VWA8: variants seen among roughly 807,000 people sequenced by gnomAD.
VWA8 encodes von Willebrand factor A domain-containing protein 8.
A neutral mutation model predicts 241.5 loss-of-function variants in VWA8; 221 were observed. The ratio of observed to expected loss-of-function variants is 0.91; its 90% CI spans 0.82 to 1.02. The LOEUF (loss-of-function observed/expected upper bound fraction) is 1.02, where lower values mean the gene tolerates loss of function less well. Among genes scored for constraint, VWA8 ranks in the 50% least tolerant of loss-of-function variants. VWA8 has a pLI of 0.00. For missense variants in VWA8, 2,322 were observed against 2,328.7 expected (o/e 1.00, Z 0.06); for synonymous variants, 852 against 827.1 (o/e 1.03, Z -0.52).
intron 8 of VWA8, among the ~76,000 whole-genome samples, chr13:41,883,823 C>T (rs1193412421): frequency 6.6e-6 from 1 of 152,150 alleles, no homozygotes; most frequent in Admixed American, 6.5e-5. Context: ...CCCATAGACC[C>T]CCATTTGAAA....
At chr13:41,574,744 T>C (rs1159570691) in intron 43 of VWA8, among the ~76,000 whole-genome samples, 1 of 151,922 alleles carries the variant, frequency 6.6e-6, no homozygotes, top group Non-Finnish European at 1.5e-5. Context: ...TGAGACAGAA[T>C]AGAGAACCCA....
At chr13:41,745,070 A>T (rs189523572) in intron 21 of VWA8, among the ~76,000 whole-genome samples, 1 of 151,482 alleles carries the variant, frequency 6.6e-6, no homozygotes, top group Non-Finnish European at 1.5e-5. Context: ...TCATCTCCTG[A>T]CCTCATTATC....
intron 4 of VWA8, among the ~76,000 whole-genome samples, chr13:41,898,884 G>A (rs1204896489): frequency 8.2e-6 from 1 of 122,210 alleles, no homozygotes; most frequent in Non-Finnish European, 1.7e-5. Flanking sequence ...GTGTGGGCCC[G>A]CCAAGCCCAC....
chr13:41,691,817 A>T (rs1178450028), intron 31 of VWA8, 57 bp downstream of exon 31: 26 of 1,319,052 alleles, frequency 2.0e-5, no homozygotes, highest in Non-Finnish European at 2.8e-5. Context: ...TCAAAATAGG[A>T]AATAGAATGG....
At chr13:41,813,612 C>T (rs546540937) in intron 16 of VWA8, among the ~76,000 whole-genome samples, 1 of 152,240 alleles carries the variant, frequency 6.6e-6, no homozygotes, top group Admixed American at 6.5e-5. Flanking sequence ...TCAGGCTTCA[C>T]ATTTCATTCC....
At chr13:41,882,475 C>T (rs1237719363) in intron 9 of VWA8, among the ~76,000 whole-genome samples, 7 of 152,146 alleles carry the variant, frequency 4.6e-5, no homozygotes, top group East Asian at 1.9e-4. Context: ...GAGGTTGTAG[C>T]GAGCCGAGAT....
intron 17 of VWA8, among the ~76,000 whole-genome samples, chr13:41,805,862 A>G (rs1462533506): frequency 6.6e-6 from 1 of 152,100 alleles, no homozygotes; most frequent in Non-Finnish European, 1.5e-5. Context: ...AATCTGCACT[A>G]CAGACCAAAC....
chr13:41,851,958 T>A (rs1192292042), intron 12 of VWA8, among the ~76,000 whole-genome samples: 1 of 152,186 alleles, frequency 6.6e-6, no homozygotes, highest in African/African-American at 2.4e-5. Flanking sequence ...AGAAGTGGGA[T>A]TGCTGGATCA....
chr13:41,704,240 G>A (rs2045268576), intron 26 of VWA8, among the ~76,000 whole-genome samples: 1 of 152,122 alleles, frequency 6.6e-6, no homozygotes, highest in African/African-American at 2.4e-5. Flanking sequence ...GCACACATGT[G>A]TAACAAGTAC....
chr13:41,599,978 G>A (rs1189943407), intron 40 of VWA8, among the ~76,000 whole-genome samples: 3 of 152,050 alleles, frequency 2.0e-5, no homozygotes. Flanking sequence ...ACAAAATGGA[G>A]GTCAAGTGAT....
intron 24 of VWA8, among the ~76,000 whole-genome samples, chr13:41,722,935 G>A (rs2045404530): frequency 6.6e-6 from 1 of 152,168 alleles, no homozygotes; most frequent in Non-Finnish European, 1.5e-5. Flanking sequence ...GACATACTGT[G>A]TAGGACACTG....
intron 8 of VWA8, among the ~76,000 whole-genome samples, chr13:41,884,280 C>G (rs565896174): frequency 4.7e-4 from 72 of 152,296 alleles, no homozygotes; most frequent in African/African-American, 1.7e-3. Context: ...AACCTCCATG[C>G]TGTTCTCATG....
Position 41,887,347 on chromosome 13 carries a change from T to C in VWA8, c.666A>G (p.Lys222=), listed in dbSNP as rs764628649. 7 of 1,611,496 alleles carry C rather than the reference T, an allele frequency of 4.3e-6. No homozygotes were observed. The highest frequency in any genetic ancestry group is 5.9e-6 in the Non-Finnish European group (7 of 1,179,178). Residue 222 remains lysine (K), a synonymous_variant, in exon 6 of 45, where the codon AAA becomes AAG. Transcript: ENST00000379310. ...GGACAATTTTCCAAGAATCCAACTC[T>C]TTTTTGGTATGATCCTATAAAAGTA... ...YDKLLRDHTK[K]ELDSWKIVRV... is the part of the protein sequence containing the mutation.
chr13:41,874,097 CA>C (rs1219221029), intron 9 of VWA8, among the ~76,000 whole-genome samples: 5 of 151,750 alleles, frequency 3.3e-5, no homozygotes, highest in African/African-American at 1.2e-4. Flanking sequence ...ATGATTATCT[CA>C]ATAGATGCAG....
chr13:41,801,537 T>C lies in VWA8; in HGVS notation c.2063+9688A>G, dbSNP rs115077596. On this transcript the variant is annotated intron_variant, in intron 17 of 44. Transcript: ENST00000379310. The stretch of plus-strand genomic sequence containing the variant: ...CCATAAAAATAATTACTAGATCATA[T>C]GAAAAGAGACGAAATCTTTGGGCTT... 2.8e-3 allele frequency among the ~76,000 whole-genome samples: 429 copies of C among 152,326 alleles called. 1 individual carries two copies. Among genetic ancestry groups the C allele is most frequent in the African/African-American group, 9.9e-3 (413 of 41,584 alleles).
intron 5 of VWA8, among the ~76,000 whole-genome samples, 168 bp from the exon 6 acceptor site, chr13:41,887,529 T>C (rs950349458): frequency 6.6e-6 from 1 of 152,184 alleles, no homozygotes; most frequent in Non-Finnish European, 1.5e-5. Context: ...AGGTTCAGGA[T>C]GCCAGGGCAG....
chr13:41,712,023 T>C (rs557789225), intron 26 of VWA8, among the ~76,000 whole-genome samples: 47 of 152,152 alleles, frequency 3.1e-4, no homozygotes, highest in Non-Finnish European at 5.3e-4. Context: ...TTCTCACTCA[T>C]ATGTGGGAGC....
At chr13:41,750,404 T>C (rs1197382757) in intron 21 of VWA8, among the ~76,000 whole-genome samples, 1 of 148,932 alleles carries the variant, frequency 6.7e-6, no homozygotes, top group African/African-American at 2.5e-5. Flanking sequence ...CTGGACTCCA[T>C]CCTGGTGACA....
At chr13:41,888,600 AC>A (rs1335163268) in intron 5 of VWA8, among the ~76,000 whole-genome samples, 1 of 152,332 alleles carries the variant, frequency 6.6e-6, no homozygotes, top group African/African-American at 2.4e-5. Flanking sequence ...AGCACAAAAA[AC>A]ATCTTCATAT....
Sources: allele counts gnomAD v4.1 joint callset (sites outside exome capture counted in the v4.1 genomes callset), GRCh38; gene constraint gnomAD v4.1.1; transcripts MANE v1.5; gene names NCBI Gene and HGNC (gene_info 2026-07-23, HGNC 2026-07-21).